The following PTPRG variants were observed in gnomAD, a reference collection of about 807,000 sequenced individuals.
PTPRG encodes protein tyrosine phosphatase receptor type G, also known as receptor-type tyrosine-protein phosphatase gamma.
Under a neutral mutation model 165.3 loss-of-function variants are expected in PTPRG, and 102 were observed. The ratio of observed to expected loss-of-function variants is 0.62; its 90% CI spans 0.53 to 0.73. The LOEUF (loss-of-function observed/expected upper bound fraction) is 0.73. PTPRG is among the 30% of genes least tolerant of loss of function. PTPRG has a pLI of 0.00. For missense variants in PTPRG, 1,866 were observed against 1,861.4 expected (o/e 1.00, Z -0.05); for synonymous variants, 675 against 669.5 (o/e 1.01, Z -0.13).
intron 2 of PTPRG, among the ~76,000 whole-genome samples, chr3:61,783,870 C>A (rs1036136196): frequency 6.6e-6 from 1 of 152,080 alleles, no homozygotes; most frequent in Non-Finnish European, 1.5e-5. Flanking sequence ...AAAGTGGAGA[C>A]ATGACAGGGA....
intron 2 of PTPRG, among the ~76,000 whole-genome samples, chr3:61,938,621 T>C (rs1399831422): frequency 6.6e-6 from 1 of 152,218 alleles, no homozygotes; most frequent in Non-Finnish European, 1.5e-5. Context: ...CAGAAGTGTC[T>C]GCTAATGAAA....
At chr3:62,145,068 T>G (rs1055099412) in intron 6 of PTPRG, among the ~76,000 whole-genome samples, 1 of 152,124 alleles carries the variant, frequency 6.6e-6, no homozygotes, top group Non-Finnish European at 1.5e-5. Context: ...CTAAAGTGCT[T>G]GGGACTACCG....
intron 5 of PTPRG, among the ~76,000 whole-genome samples, chr3:62,127,573 C>T (rs1324314420): frequency 6.6e-6 from 1 of 152,302 alleles, no homozygotes; most frequent in South Asian, 2.1e-4. Context: ...CCTCAGCATG[C>T]ATAAATCCTT....
intron 1 of PTPRG, among the ~76,000 whole-genome samples, chr3:61,639,618 T>G (rs1211973084): frequency 6.6e-6 from 1 of 152,208 alleles, no homozygotes; most frequent in Non-Finnish European, 1.5e-5. Context: ...GTAGCAATCT[T>G]TCACCTGCTT....
chr3:62,138,569 A>G (rs986356120), intron 6 of PTPRG, among the ~76,000 whole-genome samples: 7 of 151,988 alleles, frequency 4.6e-5, no homozygotes, highest in African/African-American at 1.5e-4. Context: ...AAATACAACA[A>G]TTAGCCAGAC....
chr3:61,727,882 A>G (rs967846592), intron 1 of PTPRG, among the ~76,000 whole-genome samples: 1 of 152,216 alleles, frequency 6.6e-6, no homozygotes, highest in East Asian at 1.9e-4. Flanking sequence ...GCTACTGATA[A>G]TGCCTGGGTT....
intron 2 of PTPRG, among the ~76,000 whole-genome samples, chr3:61,804,799 T>C (rs1282577693): frequency 6.6e-6 from 1 of 152,122 alleles, no homozygotes; most frequent in Non-Finnish European, 1.5e-5. Context: ...CTTTTAAAAA[T>C]AGGCCTCACA....
intron 5 of PTPRG, among the ~76,000 whole-genome samples, chr3:62,093,735 C>T (rs992152507): frequency 1.3e-5 from 2 of 152,172 alleles, no homozygotes; most frequent in African/African-American, 4.8e-5. Flanking sequence ...TAAGATCATC[C>T]CCTCGGGCTG....
chr3:61,575,144 G>A (rs759122588), intron 1 of PTPRG, among the ~76,000 whole-genome samples: 5 of 152,226 alleles, frequency 3.3e-5, no homozygotes, highest in East Asian at 3.8e-4. Flanking sequence ...AGAAGAACAC[G>A]TCAGTTGCTA....
chr3:61,800,823 T>C (rs1011778243), intron 2 of PTPRG, among the ~76,000 whole-genome samples: 1 of 151,978 alleles, frequency 6.6e-6, no homozygotes, highest in African/African-American at 2.4e-5. Context: ...TTTGTACTTT[T>C]AGTAGAGATA....
intron 1 of PTPRG, among the ~76,000 whole-genome samples, chr3:61,584,420 CTT>C (rs956110873): frequency 9.9e-4 from 150 of 152,258 alleles, no homozygotes; most frequent in Middle Eastern, 6.8e-3. Context: ...GTTCCTCTCT[CTT>C]ATCGTATCTT....
intron 1 of PTPRG, among the ~76,000 whole-genome samples, chr3:61,713,552 A>G (rs745389183): frequency 6.6e-6 from 1 of 152,178 alleles, no homozygotes; most frequent in Non-Finnish European, 1.5e-5. Flanking sequence ...AGAATGAGGC[A>G]GATAAAATAC....
chr3:61,956,688 A>G (rs1399888591), intron 2 of PTPRG, among the ~76,000 whole-genome samples: 1 of 152,242 alleles, frequency 6.6e-6, no homozygotes, highest in East Asian at 1.9e-4. Flanking sequence ...TTAAAATGAA[A>G]GACTATACTA....
rs536366471 is a variant in PTPRG, at chr3:61,768,820, A to G, written c.190+19838A>G. ...GGGGTATGGGGGAGGAGAAAGGTTGATTCTCCTGAGTTGGCTCAGTGTCTA... is the reference window on the plus strand; with the variant it reads ...GGGGTATGGGGGAGGAGAAAGGTTGGTTCTCCTGAGTTGGCTCAGTGTCTA... On this transcript the variant is annotated intron_variant, in intron 2 of 29. Coordinates refer to ENST00000474889, the MANE Select transcript of PTPRG (RefSeq NM_002841.4). Among the ~76,000 whole-genome samples the G allele has an allele frequency of 5.5e-4, 84 of 152,214 alleles. 2 individuals are homozygous for G. In the South Asian group the frequency reaches 7.9e-3, roughly 14 times the overall value.
chr3:61,609,457 C>T (rs1237096831), intron 1 of PTPRG, among the ~76,000 whole-genome samples: 1 of 152,166 alleles, frequency 6.6e-6, no homozygotes, highest in Non-Finnish European at 1.5e-5. Context: ...TGGTATCATC[C>T]ACAGTTTCAG....
chr3:61,817,017 AC>A, intron 2 of PTPRG, among the ~76,000 whole-genome samples: 1 of 130,576 alleles, frequency 7.7e-6, no homozygotes, highest in East Asian at 2.0e-4. Context: ...AAATATATAT[AC>A]TATATAATAT....
At chr3:62,033,356 T>C (rs1699831942) in intron 4 of PTPRG, among the ~76,000 whole-genome samples, 1 of 139,896 alleles carries the variant, frequency 7.1e-6, no homozygotes, top group African/African-American at 2.8e-5. Flanking sequence ...AACTGCTCCC[T>C]ATACATTTTT....
intron 14 of PTPRG, among the ~76,000 whole-genome samples, chr3:62,234,540 G>A (rs967843651): frequency 6.6e-6 from 1 of 151,908 alleles, no homozygotes; most frequent in Non-Finnish European, 1.5e-5. Flanking sequence ...AAAAAGAAAC[G>A]GTGTCTCGGT....
At chr3:61,622,190 C>G (rs1450420790) in intron 1 of PTPRG, among the ~76,000 whole-genome samples, 13 of 152,162 alleles carry the variant, frequency 8.5e-5, no homozygotes, top group South Asian at 2.1e-4. Context: ...GCCTCCCTCT[C>G]CAACACCTCG....
Sources: gnomAD v4.1 joint callset for allele counts (sites outside exome capture counted in the v4.1 genomes callset) on GRCh38, gnomAD v4.1.1 for gene constraint, MANE v1.5 for transcripts, NCBI Gene and HGNC (gene_info 2026-07-23, HGNC 2026-07-21) for gene names.